Variants in GABRG3 observed in about 807,000 individuals in gnomAD.
GABRG3 encodes gamma-aminobutyric acid type A receptor subunit gamma3, also known as gamma-aminobutyric acid receptor subunit gamma-3.
Under a neutral mutation model 48.8 loss-of-function variants are expected in GABRG3, and 25 were observed. That is an observed-to-expected ratio of 0.51 (90% CI 0.37 to 0.72). The LOEUF is 0.72. GABRG3 is among the 30% of genes least tolerant of loss of function. GABRG3 has a pLI of 0.00. For missense variants in GABRG3, 394 were observed against 577.9 expected, an observed-to-expected ratio of 0.68 and a Z score of 3.26; for synonymous variants, 227 against 217.6, an observed-to-expected ratio of 1.04 and a Z score of -0.38.
At chr15:27,154,651 T>G (rs2140398711) in intron 3 of GABRG3, among the ~76,000 whole-genome samples, 1 of 152,324 alleles carries the variant, frequency 6.6e-6, no homozygotes, top group African/African-American at 2.4e-5. Flanking sequence ...TTTTTGAATA[T>G]TGCATCAGCC....
chr15:27,186,520 G>T (rs912171987), intron 3 of GABRG3, among the ~76,000 whole-genome samples: 7 of 152,004 alleles, frequency 4.6e-5, no homozygotes, highest in Admixed American at 2.0e-4. Context: ...GTTTCCTTTG[G>T]GTATATATCC....
At chr15:27,006,497 G>C (rs887404672) in intron 2 of GABRG3, among the ~76,000 whole-genome samples, 2 of 152,128 alleles carry the variant, frequency 1.3e-5, no homozygotes, top group Non-Finnish European at 2.9e-5. Flanking sequence ...CACTGTGCCC[G>C]GCCCTCTTCC....
At chr15:27,249,496 C>T (rs766387666) in intron 3 of GABRG3, among the ~76,000 whole-genome samples, 16 of 152,158 alleles carry the variant, frequency 1.1e-4, no homozygotes, top group Admixed American at 2.0e-4. Context: ...AGAGTACTGT[C>T]GCAGCCAGAT....
chr15:27,488,884 A>T (rs114240161), intron 6 of GABRG3, among the ~76,000 whole-genome samples: 20,916 of 151,980 alleles, frequency 0.14, 1,510 homozygotes, highest in East Asian at 0.23. Context: ...ACTTTAAAAA[A>T]TTTTTTTTAT....
At chr15:27,060,678 T>A (rs1182220011) in intron 3 of GABRG3, among the ~76,000 whole-genome samples, 1 of 152,034 alleles carries the variant, frequency 6.6e-6, no homozygotes, top group Non-Finnish European at 1.5e-5. Context: ...GCAGCAGGAG[T>A]CACGTCTAAG....
intron 3 of GABRG3, among the ~76,000 whole-genome samples, chr15:27,290,727 TGATGG>T: frequency 6.6e-6 from 1 of 152,178 alleles, no homozygotes; most frequent in East Asian, 1.9e-4. Flanking sequence ...AAGGGGGACA[TGATGG>T]CTAAATGTGA....
At chr15:27,411,146 G>A (rs529241767) in intron 5 of GABRG3, among the ~76,000 whole-genome samples, 1 of 152,170 alleles carries the variant, frequency 6.6e-6, no homozygotes. Context: ...CCTGCCTCTT[G>A]CTTGCCCGAC....
At chr15:27,355,532 G>T (rs1232201377) in intron 5 of GABRG3, among the ~76,000 whole-genome samples, 1 of 152,220 alleles carries the variant, frequency 6.6e-6, no homozygotes, top group Non-Finnish European at 1.5e-5. Flanking sequence ...AATGTCAGGT[G>T]GTTCTGCTAC....
intron 5 of GABRG3, among the ~76,000 whole-genome samples, chr15:27,480,257 G>A (rs1022363729): frequency 6.6e-6 from 1 of 152,224 alleles, no homozygotes; most frequent in Non-Finnish European, 1.5e-5. Flanking sequence ...GGGGAAGGAT[G>A]GAAGGTGTGT....
intron 5 of GABRG3, among the ~76,000 whole-genome samples, chr15:27,356,114 T>C (rs1894830022): frequency 6.6e-6 from 1 of 152,202 alleles, no homozygotes; most frequent in Non-Finnish European, 1.5e-5. Flanking sequence ...ATAAAGCTGC[T>C]ATTTTAAAAA....
intron 6 of GABRG3, among the ~76,000 whole-genome samples, chr15:27,505,426 T>C (rs1032821099): frequency 6.6e-6 from 1 of 152,214 alleles, no homozygotes; most frequent in Admixed American, 6.5e-5. Flanking sequence ...GGAGATAATA[T>C]TAGCTGTAGT....
chr15:27,470,905 G>GT (rs143821958), intron 5 of GABRG3, among the ~76,000 whole-genome samples: 11 of 119,740 alleles, frequency 9.2e-5, no homozygotes, highest in African/African-American at 2.0e-4. Context: ...GTATATGGCT[G>GT]TTTTTTTTGT....
chr15:27,258,105 G>A (rs1313980011), intron 3 of GABRG3, among the ~76,000 whole-genome samples: 2 of 152,180 alleles, frequency 1.3e-5, no homozygotes, highest in Non-Finnish European at 2.9e-5. Flanking sequence ...ATGACGGGCT[G>A]AGGGGTGGCC....
chr15:27,420,575 A>T (rs1233754211), intron 5 of GABRG3: 1 of 152,200 alleles, frequency 6.6e-6, no homozygotes, highest in East Asian at 1.9e-4. Context: ...GTGTGAGATG[A>T]TGGACATGTT....
At chr15:27,189,098 G>A (rs1165774348) in intron 3 of GABRG3, among the ~76,000 whole-genome samples, 2 of 151,950 alleles carry the variant, frequency 1.3e-5, no homozygotes, top group African/African-American at 4.8e-5. Flanking sequence ...TCTCTGTTTT[G>A]GTACCAGTAC....
chr15:27,237,470 G>A (rs539432037), intron 3 of GABRG3, among the ~76,000 whole-genome samples: 6 of 152,272 alleles, frequency 3.9e-5, no homozygotes, highest in Admixed American at 1.3e-4. Context: ...TGGACCTCAC[G>A]CCAGCAGCCG....
chr15:27,005,417 AT>A (rs1236730057), intron 2 of GABRG3, among the ~76,000 whole-genome samples: 2 of 151,944 alleles, frequency 1.3e-5, no homozygotes, highest in Non-Finnish European at 2.9e-5. Flanking sequence ...GCAGCATTTC[AT>A]TTTTTTCTTT....
At chr15:27,191,390 T>C (rs1011823932) in intron 3 of GABRG3, among the ~76,000 whole-genome samples, 1 of 152,166 alleles carries the variant, frequency 6.6e-6, no homozygotes, top group Non-Finnish European at 1.5e-5. Flanking sequence ...AGGACTTGCT[T>C]TATGAATCTG....
intron 3 of GABRG3, among the ~76,000 whole-genome samples, chr15:27,047,546 C>G (rs905437522): frequency 6.6e-6 from 1 of 152,150 alleles, no homozygotes; most frequent in Non-Finnish European, 1.5e-5. Context: ...AGGGCTGTTC[C>G]CTTTGTATCA....
Sources: gnomAD v4.1 joint callset for allele counts (sites outside exome capture counted in the v4.1 genomes callset) on GRCh38, gnomAD v4.1.1 for gene constraint, MANE v1.5 for transcripts, NCBI Gene and HGNC (gene_info 2026-07-23, HGNC 2026-07-21) for gene names.